The following RPS6KC1 variants were observed in gnomAD, a reference collection of about 807,000 sequenced individuals.
RPS6KC1 encodes the protein ribosomal protein S6 kinase C1.
RPS6KC1 carries 54 observed loss-of-function variants against 103.8 expected under a neutral mutation model. The ratio of observed to expected loss-of-function variants is 0.52; its 90% confidence interval spans 0.42 to 0.65. The LOEUF (loss-of-function observed/expected upper bound fraction) is 0.65, where lower values mean the gene tolerates loss of function less well. RPS6KC1 is among the 30% of genes least tolerant of loss of function. The pLI, the probability that RPS6KC1 is intolerant of heterozygous loss-of-function variation, is 0.00. For missense variants in RPS6KC1, 1,151 were observed against 1,253.8 expected (o/e 0.92, Z 1.24); for synonymous variants, 439 against 438.7 (o/e 1.00, Z -0.01).
chr1:213,708,670 T>A, the RPS6KC1 span, among the ~76,000 whole-genome samples: 1 of 152,214 alleles, frequency 6.6e-6, no homozygotes, highest in East Asian at 1.9e-4. Context: ...CCATTAAGTA[T>A]GATATTAGCT....
the RPS6KC1 span, among the ~76,000 whole-genome samples, chr1:213,577,519 C>T: frequency 6.6e-6 from 1 of 152,148 alleles, no homozygotes; most frequent in Non-Finnish European, 1.5e-5. Context: ...GAAGAAGATA[C>T]GAAGATGTGG....
chr1:213,728,965 T>TTTTTTTTTTTTTTTTA, the RPS6KC1 span, among the ~76,000 whole-genome samples: 3 of 141,120 alleles, frequency 2.1e-5, no homozygotes, highest in African/African-American at 8.2e-5. Flanking sequence ...TTTTTTTTTT[T>TTTTTTTTTTTTTTTTA]ACCAGTGGAC....
chr1:213,074,073 T>C (rs1382759484), intron 2 of RPS6KC1, among the ~76,000 whole-genome samples: 1 of 152,148 alleles, frequency 6.6e-6, no homozygotes, highest in Non-Finnish European at 1.5e-5. Flanking sequence ...GTGATGTTGG[T>C]TGTAAGAAGA....
At chr1:213,709,335 C>T in the RPS6KC1 span, among the ~76,000 whole-genome samples, 41 of 152,288 alleles carry the variant, frequency 2.7e-4, no homozygotes, top group East Asian at 7.7e-4. Flanking sequence ...AGTTCAGTTG[C>T]ATAGAGGTGT....
the RPS6KC1 span, among the ~76,000 whole-genome samples, chr1:213,516,015 G>A: frequency 6.6e-6 from 1 of 152,164 alleles, no homozygotes; most frequent in Admixed American, 6.5e-5. Flanking sequence ...TTTCACTCAT[G>A]ATTTGGCTCT....
At chr1:213,775,338 G>A in the RPS6KC1 span, among the ~76,000 whole-genome samples, 1 of 152,116 alleles carries the variant, frequency 6.6e-6, no homozygotes, top group African/African-American at 2.4e-5. Context: ...GATCACAAGT[G>A]AATTTAATTT....
chr1:213,097,677 C>T (rs1208277289), intron 3 of RPS6KC1, among the ~76,000 whole-genome samples: 2 of 152,212 alleles, frequency 1.3e-5, no homozygotes, highest in African/African-American at 4.8e-5. Flanking sequence ...CAAAAGAAGG[C>T]TGTTTTATCT....
chr1:213,646,021 G>C, the RPS6KC1 span, among the ~76,000 whole-genome samples: 1 of 152,224 alleles, frequency 6.6e-6, no homozygotes, highest in African/African-American at 2.4e-5. Context: ...AGCATTTGCA[G>C]CTGAAGTTTT....
At chr1:213,155,404 GA>G (rs1407632583) in intron 6 of RPS6KC1, among the ~76,000 whole-genome samples, 1 of 152,182 alleles carries the variant, frequency 6.6e-6, no homozygotes, top group Non-Finnish European at 1.5e-5. Flanking sequence ...CCTTGTTGGC[GA>G]GGTTTGCAGG....
chr1:213,378,377 A>T, the RPS6KC1 span, among the ~76,000 whole-genome samples: 1 of 152,236 alleles, frequency 6.6e-6, no homozygotes, highest in Non-Finnish European at 1.5e-5. Flanking sequence ...TTGGTTAGAA[A>T]AATGCCTGGC....
the RPS6KC1 span, among the ~76,000 whole-genome samples, chr1:213,848,537 T>A: frequency 6.6e-6 from 1 of 152,132 alleles, no homozygotes; most frequent in African/African-American, 2.4e-5. Flanking sequence ...ATATACTATA[T>A]GTGTATACAC....
At chr1:213,299,016 A>G in the RPS6KC1 span, among the ~76,000 whole-genome samples, 2 of 152,040 alleles carry the variant, frequency 1.3e-5, no homozygotes, top group Non-Finnish European at 2.9e-5. Context: ...TTCTTCACTC[A>G]CGTCTGGTGT....
At chr1:213,608,189 C>T in the RPS6KC1 span, among the ~76,000 whole-genome samples, 2 of 152,176 alleles carry the variant, frequency 1.3e-5, no homozygotes, top group African/African-American at 4.8e-5. Context: ...AAGCACCTGC[C>T]TGGTGGAGCC....
the RPS6KC1 span, among the ~76,000 whole-genome samples, chr1:213,658,111 A>G: frequency 6.6e-6 from 1 of 152,178 alleles, no homozygotes; most frequent in Admixed American, 6.5e-5. Context: ...GTAAAGAACA[A>G]TCCTTCCAGA....
chr1:213,860,814 CTTT>C, the RPS6KC1 span, among the ~76,000 whole-genome samples: 1 of 144,804 alleles, frequency 6.9e-6, no homozygotes. Context: ...TTTTTCTTTT[CTTT>C]TTTTTTTTTG....
intron 6 of RPS6KC1, among the ~76,000 whole-genome samples, chr1:213,145,983 T>G (rs1372651571): frequency 6.9e-6 from 1 of 145,196 alleles, no homozygotes; most frequent in African/African-American, 2.5e-5. Context: ...TTTTTTTTTT[T>G]TTTTTTTTTT....
At chr1:213,766,723 AT>A in the RPS6KC1 span, among the ~76,000 whole-genome samples, 1 of 151,986 alleles carries the variant, frequency 6.6e-6, no homozygotes, top group Non-Finnish European at 1.5e-5. Flanking sequence ...TGTCATTCTC[AT>A]ACCTCCCTGA....
the RPS6KC1 span, among the ~76,000 whole-genome samples, chr1:213,751,782 C>T: frequency 6.6e-6 from 1 of 152,150 alleles, no homozygotes; most frequent in African/African-American, 2.4e-5. Context: ...AATACAAATT[C>T]CCATCTTAGG....
At chr1:213,624,547 G>A in the RPS6KC1 span, among the ~76,000 whole-genome samples, 1 of 152,170 alleles carries the variant, frequency 6.6e-6, no homozygotes, top group African/African-American at 2.4e-5. Flanking sequence ...CTTGTTGGAG[G>A]AGGTGAGATT....
Sources: allele counts gnomAD v4.1 joint callset (sites outside exome capture counted in the v4.1 genomes callset), GRCh38; gene constraint gnomAD v4.1.1; transcripts MANE v1.5; gene names NCBI Gene and HGNC (gene_info 2026-07-23, HGNC 2026-07-21).